The following FIP1L1 variants were observed in gnomAD, a reference collection of about 807,000 sequenced individuals.
FIP1L1 encodes pre-mRNA 3'-end-processing factor FIP1.
A neutral mutation model predicts 84.6 loss-of-function variants in FIP1L1; 21 were observed. That is an observed-to-expected ratio of 0.25 (90% CI 0.18 to 0.36). The LOEUF (loss-of-function observed/expected upper bound fraction) is 0.36, where lower values mean the gene tolerates loss of function less well. FIP1L1 is among the 10% of genes least tolerant of loss of function. FIP1L1 has a pLI of 1.00. For synonymous variants in FIP1L1, 263 were observed against 242.3 expected (o/e 1.09, Z -0.80); for missense variants, 526 against 751.1 (o/e 0.70, Z 3.50).
intron 12 of FIP1L1, 51 bp from the exon 13 acceptor site, chr4:53,427,976 A>G: frequency 2.2e-6 from 3 of 1,377,860 alleles, no homozygotes; most frequent in Non-Finnish European, 3.0e-6. Context: ...ACTAAGATTA[A>G]TCTTACATAA....
At chr4:53,438,292 C>T (rs192946603) in intron 13 of FIP1L1, among the ~76,000 whole-genome samples, 9 of 152,180 alleles carry the variant, frequency 5.9e-5, no homozygotes, top group Admixed American at 1.3e-4. Context: ...AGAAGAGGGA[C>T]GTTTGAGATG....
At chr4:53,379,332 A>G (rs10011631) in intron 3 of FIP1L1, 68 bp downstream of exon 3, 90,113 of 1,339,136 alleles carry the variant, frequency 0.067, 8,132 homozygotes, top group African/African-American at 0.32. Flanking sequence ...TCAGTTGTCA[A>G]AATTATTTTC....
chr4:53,399,590 A>C (rs1011377804), intron 9 of FIP1L1, 140 bp from the exon 10 acceptor site: 19 of 600,614 alleles, frequency 3.2e-5, no homozygotes, highest in African/African-American at 2.6e-4. Context: ...AAATAGGCTA[A>C]TTTTAATAAA....
At chr4:53,409,587 C>G (rs557281940) in intron 10 of FIP1L1, among the ~76,000 whole-genome samples, 1 of 152,234 alleles carries the variant, frequency 6.6e-6, no homozygotes, top group Non-Finnish European at 1.5e-5. Flanking sequence ...TGCCCTGCCC[C>G]CAGTAGTGGA....
chr4:53,416,352 T>A (rs1260330641), intron 11 of FIP1L1, among the ~76,000 whole-genome samples: 2 of 152,192 alleles, frequency 1.3e-5, no homozygotes, highest in Non-Finnish European at 2.9e-5. Context: ...TGGACTTGGA[T>A]TTTAGGTTTA....
intron 9 of FIP1L1, among the ~76,000 whole-genome samples, chr4:53,399,043 C>T (rs11939245): frequency 0.019 from 2,942 of 152,124 alleles, 39 homozygotes; most frequent in Non-Finnish European, 0.029. Context: ...CCCAGCTACT[C>T]GGGGGGCTGT....
chr4:53,417,794 CTCTCTCTCTCTCTCTCTCTCTCTCT>C (rs1760459826), intron 11 of FIP1L1, among the ~76,000 whole-genome samples: 1 of 116,330 alleles, frequency 8.6e-6, no homozygotes, highest in East Asian at 2.8e-4. Context: ...CTCTCTCTCT[CTCTCTCTCTCTCTCTCTCTCTCTCT>C]CAGGCTACTT....
chr4:53,440,686 G>A, intron 13 of FIP1L1: 1 of 986,430 alleles, frequency 1.0e-6, no homozygotes, highest in Non-Finnish European at 1.6e-6. Flanking sequence ...GAGAGACGGT[G>A]TTGATGCGGT....
At chr4:53,407,575 C>T (rs187505896) in intron 10 of FIP1L1, among the ~76,000 whole-genome samples, 1 of 146,982 alleles carries the variant, frequency 6.8e-6, no homozygotes, top group East Asian at 2.0e-4. Flanking sequence ...TGTTAACTTT[C>T]TGTCTCGTTG....
intron 14 of FIP1L1, among the ~76,000 whole-genome samples, chr4:53,443,565 A>G (rs1026406884): frequency 5.9e-5 from 9 of 152,196 alleles, no homozygotes; most frequent in Non-Finnish European, 1.2e-4. Flanking sequence ...TTCAGAGGAA[A>G]CTATAAAATC....
intron 9 of FIP1L1, among the ~76,000 whole-genome samples, chr4:53,392,626 A>T (rs1397484291): frequency 6.6e-6 from 1 of 152,232 alleles, no homozygotes; most frequent in Non-Finnish European, 1.5e-5. Context: ...CATTAGCAGC[A>T]GTGCATTTTA....
At chr4:53,414,826 C>T in intron 11 of FIP1L1, 104 bp downstream of exon 11, 4 of 733,772 alleles carry the variant, frequency 5.5e-6, no homozygotes, top group Non-Finnish European at 9.0e-6. Flanking sequence ...ATATTTTTAC[C>T]CTCCAACTTA....
intron 9 of FIP1L1, among the ~76,000 whole-genome samples, chr4:53,394,988 G>T (rs1163568112): frequency 6.6e-6 from 1 of 152,040 alleles, no homozygotes; most frequent in Non-Finnish European, 1.5e-5. Context: ...CATAATTTGG[G>T]TGAGTATTTA....
At chr4:53,411,545 A>G (rs1416145343) in intron 10 of FIP1L1, among the ~76,000 whole-genome samples, 1 of 152,114 alleles carries the variant, frequency 6.6e-6, no homozygotes, top group Non-Finnish European at 1.5e-5. Flanking sequence ...GTAAAATTGT[A>G]TTGACCTTAG....
chr4:53,438,276 G>A (rs1468120914), intron 13 of FIP1L1, among the ~76,000 whole-genome samples: 1 of 152,146 alleles, frequency 6.6e-6, no homozygotes, highest in South Asian at 2.1e-4. Flanking sequence ...GGTGTTGGGA[G>A]GGGAAAGAAG....
intron 9 of FIP1L1, among the ~76,000 whole-genome samples, chr4:53,395,032 G>T (rs1021817891): frequency 3.9e-5 from 6 of 152,058 alleles, no homozygotes; most frequent in African/African-American, 7.2e-5. Flanking sequence ...GTTTTGTTTG[G>T]ATTTGTCAGA....
intron 13 of FIP1L1, 168 bp downstream of exon 13, chr4:53,428,351 T>G: frequency 1.8e-6 from 1 of 560,020 alleles, no homozygotes; most frequent in Non-Finnish European, 2.8e-6. Context: ...TTATTGCTAT[T>G]TCAATATAGG....
chr4:53,414,771 A>G (rs372561331), intron 11 of FIP1L1, 49 bp downstream of exon 11: 64 of 1,171,682 alleles, frequency 5.5e-5, no homozygotes, highest in Middle Eastern at 3.8e-4. Flanking sequence ...TAGATCATCA[A>G]TGTTGTTATG....
In FIP1L1 at chr4:53,416,319, C is replaced by T. The variant is rs560924857; in HGVS notation, c.923+1597C>T. ...CTATTGGTAAAGAAACTTAAACTTA[C>T]AATTGTTTTGTTGCATAAGTATTGG... is the stretch of plus-strand genomic sequence containing the variant. On this transcript the variant is annotated intron_variant, in intron 11 of 17. Transcript: ENST00000337488. Among the ~76,000 whole-genome samples, 11 of 152,312 alleles carry T rather than the reference C, an allele frequency of 7.2e-5. No individual in the cohort carries two copies. The South Asian group carries it at 2.3e-3, about 32-fold the overall frequency.
Sources: allele counts gnomAD v4.1 joint callset (sites outside exome capture counted in the v4.1 genomes callset), GRCh38; gene constraint gnomAD v4.1.1; transcripts MANE v1.5; gene names NCBI Gene and HGNC (gene_info 2026-07-23, HGNC 2026-07-21).